MAML3: variants seen among roughly 807,000 people sequenced by gnomAD.
MAML3 encodes the protein mastermind like transcriptional coactivator 3.
MAML3 carries 27 observed loss-of-function variants against 101.9 expected under a neutral mutation model. That is an observed-to-expected ratio of 0.27 (90% CI 0.20 to 0.37). The LOEUF (loss-of-function observed/expected upper bound fraction) is 0.37. MAML3 is among the 10% of genes least tolerant of loss of function. The pLI is 1.00. For synonymous variants in MAML3, 501 were observed against 555.9 expected (o/e 0.90, Z 1.39); for missense variants, 1,316 against 1,444.9 (o/e 0.91, Z 1.45).
intron 1 of MAML3, among the ~76,000 whole-genome samples, chr4:139,938,065 T>C (rs1417015195): frequency 6.6e-6 from 1 of 152,204 alleles, no homozygotes; most frequent in East Asian, 1.9e-4. Context: ...CTGCCTCCCA[T>C]GCCAGTGTGT....
chr4:140,140,719 A>G (rs1390368747), intron 1 of MAML3, among the ~76,000 whole-genome samples: 1 of 152,080 alleles, frequency 6.6e-6, no homozygotes, highest in African/African-American at 2.4e-5. Flanking sequence ...GTACATTCCC[A>G]CCCTTGGTTT....
intron 1 of MAML3, among the ~76,000 whole-genome samples, chr4:139,900,314 T>TG (rs1732692023): frequency 6.6e-6 from 1 of 152,212 alleles, no homozygotes; most frequent in Non-Finnish European, 1.5e-5. Context: ...AAATCTTTTT[T>TG]GGGGGTGTGG....
intron 2 of MAML3, among the ~76,000 whole-genome samples, chr4:139,838,475 CT>C (rs1456101780): frequency 6.6e-6 from 1 of 152,138 alleles, no homozygotes; most frequent in African/African-American, 2.4e-5. Context: ...TTCTTCACCC[CT>C]GAGCCTCCCT....
chr4:139,869,612 C>A (rs1731962211), intron 2 of MAML3, among the ~76,000 whole-genome samples: 1 of 152,158 alleles, frequency 6.6e-6, no homozygotes, highest in African/African-American at 2.4e-5. Context: ...TACACCAGCA[C>A]CTATGTGCAT....
chr4:140,064,140 G>T (rs894313229), intron 1 of MAML3, among the ~76,000 whole-genome samples: 1 of 152,022 alleles, frequency 6.6e-6, no homozygotes, highest in Admixed American at 6.6e-5. Flanking sequence ...TAATAATTTG[G>T]TTCTAATCCA....
chr4:140,132,051 A>C (rs1164501741), intron 1 of MAML3, among the ~76,000 whole-genome samples: 1 of 152,268 alleles, frequency 6.6e-6, no homozygotes, highest in Non-Finnish European at 1.5e-5. Flanking sequence ...CTTGTTCACC[A>C]CACAGAGGTG....
intron 1 of MAML3, among the ~76,000 whole-genome samples, chr4:140,097,417 G>A (rs908218244): frequency 6.6e-6 from 1 of 152,150 alleles, no homozygotes. Flanking sequence ...TGTTCGAGTT[G>A]TTACAGTCCC....
chr4:140,007,567 G>A (rs760879373), intron 1 of MAML3, among the ~76,000 whole-genome samples: 2 of 152,208 alleles, frequency 1.3e-5, no homozygotes, highest in Non-Finnish European at 2.9e-5. Flanking sequence ...AGCAAAAAAA[G>A]GTTTCTGTAT....
At chr4:139,760,986 T>C (rs760446994) in intron 2 of MAML3, among the ~76,000 whole-genome samples, 3 of 152,042 alleles carry the variant, frequency 2.0e-5, no homozygotes, top group Non-Finnish European at 2.9e-5. Context: ...GAGATGGAGT[T>C]TCACTCATGT....
At chr4:140,106,849 T>C (rs978162802) in intron 1 of MAML3, among the ~76,000 whole-genome samples, 1 of 152,082 alleles carries the variant, frequency 6.6e-6, no homozygotes, top group African/African-American at 2.4e-5. Flanking sequence ...AATAAACAAG[T>C]TAGGTTTAAG....
intron 2 of MAML3, among the ~76,000 whole-genome samples, chr4:139,856,112 G>A (rs1028352097): frequency 2.0e-5 from 3 of 152,196 alleles, no homozygotes; most frequent in Non-Finnish European, 4.4e-5. Context: ...GGAGAGCCAT[G>A]CCAATGTCTT....
chr4:139,739,833 G>A (rs1729098760), intron 2 of MAML3, among the ~76,000 whole-genome samples: 1 of 151,300 alleles, frequency 6.6e-6, no homozygotes, highest in Non-Finnish European at 1.5e-5. Context: ...TTTATATTAT[G>A]AATATATATT....
intron 2 of MAML3, among the ~76,000 whole-genome samples, chr4:139,881,301 C>A (rs1732214023): frequency 6.6e-6 from 1 of 152,102 alleles, no homozygotes; most frequent in Non-Finnish European, 1.5e-5. Context: ...CATATGAAAA[C>A]AGGGAGATTA....
At chr4:139,751,669 G>A (rs530025076) in intron 2 of MAML3, among the ~76,000 whole-genome samples, 4 of 152,292 alleles carry the variant, frequency 2.6e-5, no homozygotes, top group African/African-American at 9.6e-5. Context: ...TAGGTTCTAA[G>A]GGGTGGTACA....
At chr4:139,909,494 C>T (rs796657331) in intron 1 of MAML3, among the ~76,000 whole-genome samples, 40 of 152,260 alleles carry the variant, frequency 2.6e-4, no homozygotes, top group African/African-American at 9.4e-4. Flanking sequence ...TAGTTTTTAA[C>T]ATCATACTGT....
intron 2 of MAML3, among the ~76,000 whole-genome samples, chr4:139,769,193 G>A (rs567362678): frequency 8.5e-5 from 13 of 152,338 alleles, no homozygotes; most frequent in African/African-American, 3.1e-4. Flanking sequence ...GACTCAGCCT[G>A]GAGCTGGGAA....
chr4:139,814,232 T>A (rs958241011), intron 2 of MAML3, among the ~76,000 whole-genome samples: 6 of 152,176 alleles, frequency 3.9e-5, no homozygotes, highest in African/African-American at 1.4e-4. Context: ...AAACACGTTA[T>A]TTAGAAGTAC....
chr4:139,857,079 T>C (rs1731675095), intron 2 of MAML3, among the ~76,000 whole-genome samples: 1 of 151,886 alleles, frequency 6.6e-6, no homozygotes, highest in South Asian at 2.1e-4. Context: ...CCAAAGCAAA[T>C]AGGAAATACA....
At chr4:139,872,641 G>A (rs1166574149) in intron 2 of MAML3, among the ~76,000 whole-genome samples, 1 of 152,192 alleles carries the variant, frequency 6.6e-6, no homozygotes, top group Non-Finnish European at 1.5e-5. Flanking sequence ...CTTTCCGGGT[G>A]AGAACTTCAG....
Sources: allele counts gnomAD v4.1 joint callset (sites outside exome capture counted in the v4.1 genomes callset), GRCh38; gene constraint gnomAD v4.1.1; transcripts MANE v1.5; gene names NCBI Gene and HGNC (gene_info 2026-07-23, HGNC 2026-07-21).